The following FBXL2 variants were observed in gnomAD, a reference collection of about 807,000 sequenced individuals.
The protein encoded by FBXL2 is F-box and leucine rich repeat protein 2, also known as F-box/LRR-repeat protein 2.
In FBXL2, 38 loss-of-function variants were observed where a neutral mutation model predicts 69.2. The ratio of observed to expected loss-of-function variants is 0.55; its 90% CI spans 0.42 to 0.72. The LOEUF (loss-of-function observed/expected upper bound fraction) is 0.72. Among genes scored for constraint, FBXL2 ranks in the 30% least tolerant of loss-of-function variants. The probability of loss-of-function intolerance (pLI) is 0.00; values close to 1 mark genes in which losing one functional copy is unlikely to be tolerated. For synonymous variants in FBXL2, 192 were observed against 201.3 expected (o/e 0.95, Z 0.39); for missense variants, 354 against 520.3 (o/e 0.68, Z 3.11).
the FBXL2 span, among the ~76,000 whole-genome samples, chr3:33,417,487 C>A: frequency 6.6e-6 from 1 of 152,180 alleles, no homozygotes; most frequent in Non-Finnish European, 1.5e-5. Context: ...AAATAATATT[C>A]ATTCCTTTTT....
chr3:33,306,224 G>A (rs746291961), intron 2 of FBXL2, among the ~76,000 whole-genome samples: 2 of 151,772 alleles, frequency 1.3e-5, no homozygotes, highest in Middle Eastern at 3.4e-3. Context: ...ATCACGTACC[G>A]CTTTTGCTTC....
chr3:33,394,481 A>C (rs1053954877), intron 12 of FBXL2, among the ~76,000 whole-genome samples: 12 of 150,902 alleles, frequency 8.0e-5, no homozygotes, highest in Non-Finnish European at 5.9e-5. Context: ...ATAAACAATG[A>C]AGTGTGATGC....
At chr3:33,376,585 A>G (rs1387487847) in intron 10 of FBXL2, among the ~76,000 whole-genome samples, 1 of 152,228 alleles carries the variant, frequency 6.6e-6, no homozygotes, top group Non-Finnish European at 1.5e-5. Context: ...GTAATTGAGA[A>G]TTAACTTATT....
the FBXL2 span, among the ~76,000 whole-genome samples, chr3:33,411,960 G>A: frequency 0.013 from 1,970 of 152,216 alleles, 42 homozygotes; most frequent in African/African-American, 0.045. Flanking sequence ...GCCAAGGCAG[G>A]TGGATAACCC....
intron 5 of FBXL2, among the ~76,000 whole-genome samples, chr3:33,369,100 G>T (rs1432757661): frequency 6.7e-6 from 1 of 150,010 alleles, no homozygotes; most frequent in Non-Finnish European, 1.5e-5. Flanking sequence ...TGCCCAGGCT[G>T]CAGTGCAGTG....
intron 13 of FBXL2, chr3:33,382,856 CTG>C (rs1048124390): frequency 2.0e-5 from 3 of 152,230 alleles, no homozygotes; most frequent in African/African-American, 7.2e-5. Context: ...CTACACAACT[CTG>C]TGATCTGGCC....
At chr3:33,402,821 G>A (rs1426961320) in intron 12 of FBXL2, 2 of 1,596,572 alleles carry the variant, frequency 1.3e-6, no homozygotes, top group Non-Finnish European at 1.7e-6. Context: ...CACTGCAAGT[G>A]CTCTGCTGTG....
At chr3:33,297,847 AC>A (rs753439902) in intron 2 of FBXL2, 122 bp downstream of exon 2, 6 of 716,518 alleles carry the variant, frequency 8.4e-6, no homozygotes, top group Non-Finnish European at 1.5e-5. Context: ...AGCCTAACTG[AC>A]TTTTTGTTTT....
intron 5 of FBXL2, among the ~76,000 whole-genome samples, chr3:33,367,870 C>T (rs1295921694): frequency 6.6e-6 from 1 of 152,034 alleles, no homozygotes; most frequent in East Asian, 1.9e-4. Context: ...TAAGTCAATA[C>T]TTTGGGGAAA....
chr3:33,384,019 G>T lies in FBXL2; in HGVS notation c.982G>T (p.Asp328Tyr), dbSNP rs772020174. Residue 328 changes from aspartate to tyrosine, a missense_variant, in exon 14 of 15, where the codon GAT (aspartate) becomes TAT (tyrosine). By Grantham distance (160) the Asp-to-Tyr change is radical. Transcript: ENST00000484457. ...SLSHCELITD[D>Y]GILHLSNSTC... ...GTCCCACTGTGAACTCATCACAGAT[G>T]ATGGGATCCTGCACCTGAGCAACAG... 7 of 1,614,022 alleles carry T rather than the reference G, an allele frequency of 4.3e-6. No individual in the cohort carries two copies. Among genetic ancestry groups the T allele is most frequent in the Non-Finnish European group, 5.9e-6 (7 of 1,180,014 alleles).
intron 4 of FBXL2, among the ~76,000 whole-genome samples, chr3:33,360,918 C>CTTTTTTTTTTTTTTT (rs58912118): frequency 1.8e-5 from 1 of 57,118 alleles, no homozygotes; most frequent in African/African-American, 5.6e-5. Context: ...ACATGAAGAA[C>CTTTTTTTTTTTTTTT]TTTTTTTTTT....
intron 12 of FBXL2, among the ~76,000 whole-genome samples, chr3:33,400,692 G>A (rs1416215928): frequency 6.6e-6 from 1 of 152,052 alleles, no homozygotes; most frequent in Middle Eastern, 3.2e-3. Context: ...ATAAGAGAGA[G>A]GATGAGAAGA....
At chr3:33,395,693 C>T (rs2043951420) in intron 12 of FBXL2, among the ~76,000 whole-genome samples, 1 of 132,380 alleles carries the variant, frequency 7.6e-6, no homozygotes, top group African/African-American at 2.9e-5. Context: ...TACATGCAGG[C>T]ACTGTTGCAC....
In FBXL2 at chr3:33,402,853, G is replaced by T. The variant is rs373493970; in HGVS notation, n.1215-381G>T. ...TGTGGGGAGGTGAAAGTGGGCGCTG[G>T]GGAAGGGCTGTTATTCACATAGGCT... is the stretch of plus-strand genomic sequence containing the variant. On this transcript the variant is annotated intron_variant and non_coding_transcript_variant, in intron 12 of 12. Transcript: ENST00000463736. 5.7e-5 allele frequency: 91 copies of T among 1,609,964 alleles called. No individual in the cohort carries two copies. Among genetic ancestry groups the T allele is most frequent in the Non-Finnish European group, 7.6e-5 (89 of 1,178,644 alleles).
downstream of FBXL2, chr3:33,390,085 G>A: frequency 2.1e-6 from 1 of 466,760 alleles, no homozygotes; most frequent in East Asian, 3.2e-5. Flanking sequence ...AGCTATGCCT[G>A]CACCGTGGCC....
At chr3:33,347,829 G>T (rs1293676129) in intron 2 of FBXL2, among the ~76,000 whole-genome samples, 1 of 152,088 alleles carries the variant, frequency 6.6e-6, no homozygotes, top group Non-Finnish European at 1.5e-5. Flanking sequence ...TTTGAGAAAT[G>T]CCTATTCAGA....
chr3:33,277,625 G>A, intron 1 of FBXL2, 110 bp downstream of exon 1: 2 of 1,136,124 alleles, frequency 1.8e-6, no homozygotes, highest in Non-Finnish European at 2.2e-6. Flanking sequence ...GTCGTGGAGA[G>A]GCCGGGCCGC....
At chr3:33,317,615 T>A in intron 2 of FBXL2, 1 of 433,424 alleles carries the variant, frequency 2.3e-6, no homozygotes, top group Non-Finnish European at 4.6e-6. Flanking sequence ...GCAGTAGGGG[T>A]ATGTTTCTGT....
chr3:33,323,410 A>G (rs1448712249), intron 2 of FBXL2, among the ~76,000 whole-genome samples: 1 of 152,128 alleles, frequency 6.6e-6, no homozygotes. Context: ...TGCTGCACCC[A>G]TCAACCTGCC....
Sources: allele counts gnomAD v4.1 joint callset (sites outside exome capture counted in the v4.1 genomes callset), GRCh38; gene constraint gnomAD v4.1.1; transcripts MANE v1.5; gene names NCBI Gene and HGNC (gene_info 2026-07-23, HGNC 2026-07-21).